The following EIF4G3 variants were observed in gnomAD, a reference collection of about 807,000 sequenced individuals.
The protein encoded by EIF4G3 is eIF-4-gamma 3.
EIF4G3 carries 34 observed loss-of-function variants against 186.4 expected under a neutral mutation model. The ratio of observed to expected loss-of-function variants is 0.18; its 90% CI spans 0.14 to 0.24. The LOEUF (loss-of-function observed/expected upper bound fraction) is 0.24. Among genes scored for constraint, EIF4G3 ranks in the 10% least tolerant of loss-of-function variants. The pLI, the probability that EIF4G3 is intolerant of heterozygous loss-of-function variation, is 1.00. For missense variants in EIF4G3, 1,536 were observed against 1,948.5 expected (o/e 0.79, Z 3.99); for synonymous variants, 673 against 679.5 (o/e 0.99, Z 0.15).
intron 2 of EIF4G3, among the ~76,000 whole-genome samples, chr1:21,093,228 T>C (rs901125341): frequency 2.0e-5 from 3 of 152,106 alleles, no homozygotes; most frequent in Non-Finnish European, 4.4e-5. Flanking sequence ...ATCCAGAATC[T>C]ACAAAGAACT....
At chr1:20,985,782 T>G (rs2079337986) in intron 7 of EIF4G3, among the ~76,000 whole-genome samples, 1 of 152,196 alleles carries the variant, frequency 6.6e-6, no homozygotes, top group Non-Finnish European at 1.5e-5. Flanking sequence ...AGTCTCACCA[T>G]CCACCTAAAG....
intron 2 of EIF4G3, among the ~76,000 whole-genome samples, chr1:21,135,687 G>A (rs2097226379): frequency 6.6e-6 from 1 of 152,104 alleles, no homozygotes; most frequent in African/African-American, 2.4e-5. Context: ...ACTACTGATG[G>A]TGTACACATT....
intron 24 of EIF4G3, 65 bp downstream of exon 24, chr1:20,860,320 A>G (rs1342311392): frequency 2.5e-6 from 4 of 1,601,028 alleles, no homozygotes; most frequent in Admixed American, 1.7e-5. Flanking sequence ...ACCTAAATAC[A>G]TAATTCTTAA....
intron 2 of EIF4G3, among the ~76,000 whole-genome samples, chr1:21,108,954 T>C (rs2096667016): frequency 6.8e-6 from 1 of 146,834 alleles, no homozygotes; most frequent in Admixed American, 6.9e-5. Flanking sequence ...GGTGGCTCAA[T>C]GCCTGTAAAT....
chr1:21,085,451 T>C (rs893473583), intron 3 of EIF4G3, among the ~76,000 whole-genome samples: 1 of 152,192 alleles, frequency 6.6e-6, no homozygotes, highest in Non-Finnish European at 1.5e-5. Context: ...CAGGCTGGAA[T>C]TCAGAGGCGC....
At chr1:20,815,231 T>C (rs2060276201) in intron 34 of EIF4G3, among the ~76,000 whole-genome samples, 2 of 96,660 alleles carry the variant, frequency 2.1e-5, no homozygotes, top group African/African-American at 3.7e-5. Flanking sequence ...GGAGCGTCTC[T>C]GCCTGGCCGC....
intron 29 of EIF4G3, among the ~76,000 whole-genome samples, chr1:20,842,296 C>A (rs181996789): frequency 1.3e-4 from 20 of 152,322 alleles, no homozygotes; most frequent in Admixed American, 5.2e-4. Context: ...AATCTAAAAT[C>A]GTCCTTTCTC....
chr1:20,953,326 AAAGT>A (rs2096289840), intron 12 of EIF4G3, among the ~76,000 whole-genome samples: 1 of 152,228 alleles, frequency 6.6e-6, no homozygotes, highest in African/African-American at 2.4e-5. Flanking sequence ...GAAAAAAAAT[AAAGT>A]GTTTCTCACT....
At chr1:20,947,709 T>C (rs1416084643) in intron 13 of EIF4G3, among the ~76,000 whole-genome samples, 1 of 152,194 alleles carries the variant, frequency 6.6e-6, no homozygotes, top group Non-Finnish European at 1.5e-5. Context: ...TTCCAGAGCA[T>C]TAGTTATAAC....
intron 6 of EIF4G3, among the ~76,000 whole-genome samples, chr1:20,997,937 A>C (rs1279476162): frequency 3.3e-5 from 5 of 151,874 alleles, no homozygotes; most frequent in Non-Finnish European, 7.4e-5. Context: ...AAAAAACCCT[A>C]AAATAAGGCA....
chr1:21,140,223 A>AC, intron 2 of EIF4G3, among the ~76,000 whole-genome samples: 1 of 152,238 alleles, frequency 6.6e-6, no homozygotes, highest in Non-Finnish European at 1.5e-5. Flanking sequence ...TTCCAATTGC[A>AC]AAGAAGGCAA....
rs753444949 is a variant in EIF4G3 at position 20,810,784 on chromosome 1, T to C, written c.4698A>G (p.Ala1566=). Residue 1566 remains alanine, a synonymous_variant, in exon 36 of 37, where the codon GCA becomes GCG. Transcript: ENST00000602326. The surrounding 1 kb of genome is among the most constrained non-coding windows in gnomAD (Gnocchi z 4.1). ...CTATCGATGCTTGTAGTGCATAAAG[T>C]GCTTGCAGTTCCTTCTCTGTATCTG... ...LDSDTEKELQ[A]LYALQASIVK... 2.7e-5 allele frequency: 44 copies of C among 1,614,150 alleles called. No individual in the cohort carries two copies. Among genetic ancestry groups the C allele is most frequent in the Non-Finnish European group, 3.7e-5 (44 of 1,180,006 alleles).
At chr1:20,998,791 T>C (rs143994018) in intron 6 of EIF4G3, 192 of 412,090 alleles carry the variant, frequency 4.7e-4, no homozygotes, top group African/African-American at 3.7e-3. Context: ...CTCCCTTTAA[T>C]AGTAAAAGAA....
At chr1:21,109,225 G>A (rs751128317) in intron 2 of EIF4G3, among the ~76,000 whole-genome samples, 1 of 152,084 alleles carries the variant, frequency 6.6e-6, no homozygotes, top group Non-Finnish European at 1.5e-5. Flanking sequence ...CAAGGAAAAA[G>A]CTACAAGGGT....
At chr1:21,124,011 C>A (rs2096976181) in intron 2 of EIF4G3, among the ~76,000 whole-genome samples, 1 of 152,036 alleles carries the variant, frequency 6.6e-6, no homozygotes, top group Non-Finnish European at 1.5e-5. Flanking sequence ...AAGGTGTAGG[C>A]CAGGCATGGT....
intron 20 of EIF4G3, among the ~76,000 whole-genome samples, chr1:20,869,903 A>T (rs890381112): frequency 5.9e-5 from 9 of 152,070 alleles, no homozygotes; most frequent in African/African-American, 2.2e-4. Context: ...TTATATCGTG[A>T]CCTTAGGCAA....
At chr1:21,075,386 T>C (rs1030839729) in intron 3 of EIF4G3, among the ~76,000 whole-genome samples, 2 of 151,704 alleles carry the variant, frequency 1.3e-5, no homozygotes, top group African/African-American at 4.8e-5. Flanking sequence ...CTGGCCAACA[T>C]GGTGAAACCC....
At position 21,069,457 on chromosome 1, in the gene EIF4G3, T is replaced by C. The variant is rs372395643; in HGVS notation, c.-195-18463A>G. 3.2e-4 allele frequency among the ~76,000 whole-genome samples: 49 copies of C among 152,336 alleles called. 1 individual carries two copies. The highest frequency in any genetic ancestry group is 1.2e-3 in the African/African-American group (48 of 41,580). ...TGAGCACTCTTAAAGACAAGGATCA[T>C]AGTGTCCACCACTGCTTTCTCACAT... On this transcript the variant is annotated intron_variant, in intron 3 of 36. Transcript: ENST00000602326.
intron 30 of EIF4G3, among the ~76,000 whole-genome samples, chr1:20,833,272 C>A (rs1392875133): frequency 6.6e-6 from 1 of 151,202 alleles, no homozygotes; most frequent in East Asian, 2.0e-4. Flanking sequence ...TTGTTTGTAT[C>A]CTCTTTTATT....
Sources: allele counts gnomAD v4.1 joint callset (sites outside exome capture counted in the v4.1 genomes callset), GRCh38; gene constraint gnomAD v4.1.1; non-coding constraint Gnocchi (gnomAD v3.1); transcripts MANE v1.5; gene names NCBI Gene and HGNC (gene_info 2026-07-23, HGNC 2026-07-21).